GRID2: variants seen among roughly 807,000 people sequenced by gnomAD.
GRID2 encodes glutamate receptor ionotropic, delta-2.
In GRID2, 33 loss-of-function variants were observed where a neutral mutation model predicts 114.8. That is an observed-to-expected ratio of 0.29 (90% CI 0.22 to 0.38). The LOEUF (loss-of-function observed/expected upper bound fraction) is 0.38. GRID2 is among the 10% of genes least tolerant of loss of function. The pLI is 1.00. For missense variants in GRID2, 1,184 were observed against 1,257.7 expected (o/e 0.94, Z 0.89); for synonymous variants, 505 against 449.9 (o/e 1.12, Z -1.55).
intron 1 of GRID2, among the ~76,000 whole-genome samples, chr4:92,340,901 G>A (rs1201968308): frequency 6.6e-6 from 1 of 152,064 alleles, no homozygotes; most frequent in African/African-American, 2.4e-5. Context: ...AGACCACAAA[G>A]CAGACAACAG....
At chr4:92,776,059 G>C (rs1004953621) in intron 2 of GRID2, among the ~76,000 whole-genome samples, 3 of 152,066 alleles carry the variant, frequency 2.0e-5, no homozygotes, top group Non-Finnish European at 4.4e-5. Context: ...GATATGTTTT[G>C]ATAATCTCAG....
At chr4:93,637,890 C>T (rs980827098) in intron 14 of GRID2, among the ~76,000 whole-genome samples, 13 of 152,088 alleles carry the variant, frequency 8.5e-5, no homozygotes, top group Non-Finnish European at 1.5e-5. Context: ...GTTCTTTGAG[C>T]AGCTCAAATA....
Position 93,626,258 on chromosome 4 carries a change from T to C in GRID2, c.2194-11T>C, listed in dbSNP as rs752361134. The C allele has an allele frequency of 1.3e-6, 2 of 1,547,266 alleles. No homozygotes were observed. Among genetic ancestry groups the C allele is most frequent in the Non-Finnish European group, 1.8e-6 (2 of 1,128,836 alleles). On this transcript the variant is annotated splice_polypyrimidine_tract_variant and intron_variant, in intron 13 of 15. Transcript: ENST00000282020. ...ACCCTATTTCTTCTTTTGTTCTTCA[T>C]TTTTTCACAGGTAAAATATGGAAAT...
intron 4 of GRID2, among the ~76,000 whole-genome samples, chr4:93,166,348 A>T (rs1202452806): frequency 2.6e-5 from 4 of 152,228 alleles, no homozygotes; most frequent in Admixed American, 2.6e-4. Context: ...CTCTCTCTAC[A>T]CTCCCTTCAT....
At chr4:93,002,214 A>G (rs1026662990) in intron 2 of GRID2, among the ~76,000 whole-genome samples, 3 of 151,654 alleles carry the variant, frequency 2.0e-5, no homozygotes, top group Admixed American at 1.3e-4. Context: ...TTTTTCTGCT[A>G]TATGTGAAAA....
At chr4:93,591,204 G>T (rs1199584048) in intron 13 of GRID2, among the ~76,000 whole-genome samples, 1 of 150,566 alleles carries the variant, frequency 6.6e-6, no homozygotes, top group African/African-American at 2.5e-5. Flanking sequence ...GTCATAGATA[G>T]CTCTTATTAT....
At chr4:93,091,524 C>T (rs987049414) in intron 3 of GRID2, among the ~76,000 whole-genome samples, 2 of 152,044 alleles carry the variant, frequency 1.3e-5, no homozygotes, top group Non-Finnish European at 2.9e-5. Flanking sequence ...CTGTCCTTTC[C>T]CCATAATTGT....
intron 4 of GRID2, among the ~76,000 whole-genome samples, chr4:93,200,566 A>AAAACAAACAAAC (rs35790342): frequency 1.1e-4 from 16 of 149,762 alleles, no homozygotes; most frequent in Non-Finnish European, 2.1e-4. Flanking sequence ...ACTCCGTCTC[A>AAAACAAACAAAC]AAACAAACAA....
At chr4:92,927,039 C>T (rs924787182) in intron 2 of GRID2, among the ~76,000 whole-genome samples, 6 of 151,842 alleles carry the variant, frequency 4.0e-5, no homozygotes, top group African/African-American at 1.4e-4. Context: ...AAATCTGATA[C>T]TTACCTGATT....
At chr4:92,313,119 G>A (rs868008619) in intron 1 of GRID2, among the ~76,000 whole-genome samples, 1,858 of 127,496 alleles carry the variant, frequency 0.015, 40 homozygotes, top group African/African-American at 0.052. Context: ...GTGTGTGTGT[G>A]TGTATATGAG....
intron 2 of GRID2, among the ~76,000 whole-genome samples, chr4:92,817,528 A>C (rs1740991536): frequency 6.6e-6 from 1 of 152,022 alleles, no homozygotes; most frequent in Non-Finnish European, 1.5e-5. Flanking sequence ...ATAAATATCT[A>C]ATGCTTAATT....
At chr4:93,625,325 C>G (rs1192892645) in intron 13 of GRID2, among the ~76,000 whole-genome samples, 1 of 152,180 alleles carries the variant, frequency 6.6e-6, no homozygotes, top group Non-Finnish European at 1.5e-5. Flanking sequence ...AAAGACATGG[C>G]TTCCTTTCAT....
chr4:93,764,515 C>A (rs1733473293), intron 14 of GRID2, among the ~76,000 whole-genome samples: 1 of 152,094 alleles, frequency 6.6e-6, no homozygotes, highest in Non-Finnish European at 1.5e-5. Context: ...TAGCCTTCCG[C>A]GTGCCAGGTA....
chr4:93,180,323 A>G (rs1294916196), intron 4 of GRID2, among the ~76,000 whole-genome samples: 1 of 152,156 alleles, frequency 6.6e-6, no homozygotes, highest in Non-Finnish European at 1.5e-5. Flanking sequence ...AAAAATGTAC[A>G]TAGGGCCATT....
intron 2 of GRID2, among the ~76,000 whole-genome samples, chr4:92,676,103 G>T (rs1420507516): frequency 8.8e-6 from 1 of 114,012 alleles, no homozygotes; most frequent in African/African-American, 3.2e-5. Context: ...ATAGTTTTTT[G>T]TTTGAATCAG....
intron 13 of GRID2, among the ~76,000 whole-genome samples, chr4:93,525,940 G>A (rs150150705): frequency 4.9e-4 from 74 of 152,210 alleles, no homozygotes; most frequent in African/African-American, 1.7e-3. Context: ...AATATCCAAG[G>A]TATTGCCTTG....
intron 3 of GRID2, among the ~76,000 whole-genome samples, chr4:93,090,897 G>A (rs1308514681): frequency 6.6e-6 from 1 of 152,108 alleles, no homozygotes; most frequent in African/African-American, 2.4e-5. Flanking sequence ...GTAACGCCAG[G>A]TGTTCTCAAT....
At chr4:93,050,494 C>T (rs1396032943) in intron 2 of GRID2, among the ~76,000 whole-genome samples, 1 of 147,968 alleles carries the variant, frequency 6.8e-6, no homozygotes, top group Non-Finnish European at 1.5e-5. Context: ...CTTGACCAGA[C>T]AAAGAATAAT....
chr4:93,152,017 T>C (rs145686014), intron 4 of GRID2, among the ~76,000 whole-genome samples: 226 of 152,212 alleles, frequency 1.5e-3, no homozygotes, highest in Non-Finnish European at 1.7e-3. Flanking sequence ...TAGTTTCACG[T>C]GGTAAAATAC....
Sources: allele counts gnomAD v4.1 joint callset (sites outside exome capture counted in the v4.1 genomes callset), GRCh38; gene constraint gnomAD v4.1.1; transcripts MANE v1.5; gene names NCBI Gene and HGNC (gene_info 2026-07-23, HGNC 2026-07-21).